DOK5: variants seen among roughly 807,000 people sequenced by gnomAD.
DOK5 encodes the protein docking protein 5, also known as downstream of tyrosine kinase 5.
In DOK5, 27 loss-of-function variants were observed where a neutral mutation model predicts 43.3. That is an observed-to-expected ratio of 0.62 (90% confidence interval 0.46 to 0.86). The LOEUF (loss-of-function observed/expected upper bound fraction) is 0.86, where lower values mean the gene tolerates loss of function less well. Ranked by LOEUF, DOK5 falls within the 40% of genes least tolerant of loss-of-function variation. The pLI, the probability that DOK5 is intolerant of heterozygous loss-of-function variation, is 0.00. For synonymous variants in DOK5, 146 were observed against 140.1 expected (o/e 1.04, Z -0.30); for missense variants, 373 against 392.9 (o/e 0.95, Z 0.43).
chr20:54,645,925 C>CAAAAAAAGAAAAAAAAAA (rs1979391417), intron 7 of DOK5, among the ~76,000 whole-genome samples: 1 of 85,880 alleles, frequency 1.2e-5, no homozygotes, highest in African/African-American at 4.3e-5. Context: ...GCAGATGCTG[C>CAAAAAAAGAAAAAAAAAA]AAAAAAAAAA....
intron 1 of DOK5, among the ~76,000 whole-genome samples, chr20:54,484,297 T>C (rs1338287218): frequency 1.3e-5 from 2 of 151,562 alleles, no homozygotes; most frequent in African/African-American, 4.9e-5. Context: ...GAGAATCCCT[T>C]GAACCCAGGA....
intron 1 of DOK5, among the ~76,000 whole-genome samples, chr20:54,550,144 C>T (rs550901474): frequency 6.9e-6 from 1 of 145,860 alleles, no homozygotes; most frequent in African/African-American, 2.6e-5. Flanking sequence ...CTTAAAGTTA[C>T]TCACTCTGGT....
intron 2 of DOK5, among the ~76,000 whole-genome samples, chr20:54,566,851 A>T (rs1277587481): frequency 6.6e-6 from 1 of 152,132 alleles, no homozygotes; most frequent in Non-Finnish European, 1.5e-5. Flanking sequence ...TCCTGGCCTC[A>T]AGGGATCCTC....
intron 2 of DOK5, among the ~76,000 whole-genome samples, chr20:54,568,190 T>C (rs1985156718): frequency 6.6e-6 from 1 of 152,214 alleles, no homozygotes; most frequent in African/African-American, 2.4e-5. Flanking sequence ...AAACACACAA[T>C]ACACATAATG....
At position 54,484,641 on chromosome 20, in the gene DOK5, G is replaced by A. The variant is rs574141001; in HGVS notation, c.66+8629G>A. Among the ~76,000 whole-genome samples, 4 of 152,198 alleles carry A rather than the reference G, an allele frequency of 2.6e-5. No individual in the cohort carries two copies. The East Asian group carries it at 7.7e-4, about 29-fold the overall frequency. On this transcript the variant is annotated intron_variant, in intron 1 of 7. Transcript: ENST00000262593. Reference sequence around the variant, plus strand: ...GTCTTCTTATATAGCTGCCCCTCCTGCCCCTGTCCTCCATATCCCTAATCC... The same window carrying A: ...GTCTTCTTATATAGCTGCCCCTCCTACCCCTGTCCTCCATATCCCTAATCC...
At chr20:54,498,196 A>G (rs1019791904) in intron 1 of DOK5, among the ~76,000 whole-genome samples, 2 of 152,202 alleles carry the variant, frequency 1.3e-5, no homozygotes, top group African/African-American at 4.8e-5. Context: ...AGGCGGTGTT[A>G]CTTTCTGCAC....
At chr20:54,514,964 A>G (rs1225233043) in intron 1 of DOK5, among the ~76,000 whole-genome samples, 2 of 150,900 alleles carry the variant, frequency 1.3e-5, no homozygotes, top group Non-Finnish European at 2.9e-5. Context: ...AAAATAAATA[A>G]TCTTACTGTT....
intron 1 of DOK5, among the ~76,000 whole-genome samples, 186 bp from the exon 2 acceptor site, chr20:54,554,747 T>A (rs1050286707): frequency 2.3e-4 from 35 of 152,258 alleles, no homozygotes; most frequent in African/African-American, 7.7e-4. Context: ...TTCCAGTAAT[T>A]GTCTGAATGA....
intron 1 of DOK5, among the ~76,000 whole-genome samples, chr20:54,540,323 T>C (rs953907796): frequency 6.6e-6 from 1 of 152,190 alleles, no homozygotes; most frequent in Non-Finnish European, 1.5e-5. Context: ...CTTTCTGTAC[T>C]GCTCTTTCCT....
chr20:54,632,113 C>CA (rs1978601542), intron 6 of DOK5, among the ~76,000 whole-genome samples: 1 of 152,214 alleles, frequency 6.6e-6, no homozygotes, highest in African/African-American at 2.4e-5. Flanking sequence ...AAACTCCCTG[C>CA]AGGGGTCGTG....
intron 1 of DOK5, among the ~76,000 whole-genome samples, chr20:54,504,868 G>A (rs1419597164): frequency 1.3e-5 from 2 of 152,206 alleles, no homozygotes; most frequent in African/African-American, 4.8e-5. Flanking sequence ...TCTGTGAAAG[G>A]TGTTTTGGCC....
intron 7 of DOK5, 31 bp from the exon 8 acceptor site, chr20:54,650,384 A>T: frequency 6.2e-7 from 1 of 1,608,528 alleles, no homozygotes; most frequent in Non-Finnish European, 8.5e-7. Flanking sequence ...CTTGAAATGT[A>T]ACTGTTGATT....
chr20:54,631,455 G>C (rs1434396297), intron 6 of DOK5, among the ~76,000 whole-genome samples: 1 of 151,344 alleles, frequency 6.6e-6, no homozygotes, highest in Non-Finnish European at 1.5e-5. Flanking sequence ...AGGAAGGAAG[G>C]AAGGGAGGGA....
chr20:54,559,315 T>A (rs1301151396), intron 2 of DOK5, among the ~76,000 whole-genome samples: 1 of 152,198 alleles, frequency 6.6e-6, no homozygotes, highest in Non-Finnish European at 1.5e-5. Context: ...TTAGGTAGCC[T>A]GAGTTCTAAT....
chr20:54,635,869 A>T (rs1220745065), intron 6 of DOK5, among the ~76,000 whole-genome samples: 1 of 152,212 alleles, frequency 6.6e-6, no homozygotes, highest in Non-Finnish European at 1.5e-5. Context: ...TAAATGGAAT[A>T]TCTTAGTTTA....
intron 2 of DOK5, among the ~76,000 whole-genome samples, chr20:54,562,460 C>T (rs1984941758): frequency 6.6e-6 from 1 of 152,106 alleles, no homozygotes; most frequent in Admixed American, 6.6e-5. Flanking sequence ...GCTTTGCCAT[C>T]CAGGCTAGAG....
intron 1 of DOK5, 105 bp downstream of exon 1, chr20:54,476,117 G>A (rs1981413276): frequency 2.6e-6 from 4 of 1,562,542 alleles, no homozygotes; most frequent in Non-Finnish European, 3.5e-6. Context: ...GCGCGCCGGA[G>A]AATTGCGCGG....
At chr20:54,589,197 A>G (rs1275653797) in intron 4 of DOK5, among the ~76,000 whole-genome samples, 1 of 152,176 alleles carries the variant, frequency 6.6e-6, no homozygotes, top group East Asian at 1.9e-4. Context: ...CTTTCCTTCA[A>G]TTCTGTTAGC....
At chr20:54,487,157 G>C (rs1239656958) in intron 1 of DOK5, among the ~76,000 whole-genome samples, 1 of 152,130 alleles carries the variant, frequency 6.6e-6, no homozygotes, top group African/African-American at 2.4e-5. Context: ...GTCCAAATGT[G>C]AGATTTATAT....
Sources: allele counts gnomAD v4.1 joint callset (sites outside exome capture counted in the v4.1 genomes callset), GRCh38; gene constraint gnomAD v4.1.1; transcripts MANE v1.5; gene names NCBI Gene and HGNC (gene_info 2026-07-23, HGNC 2026-07-21).